Variants in PLPP3 observed in about 807,000 individuals in gnomAD.
PLPP3 encodes the protein phospholipid phosphatase 3, also known as PAP2 beta.
Under a neutral mutation model 29.6 loss-of-function variants are expected in PLPP3, and 6 were observed. That is an observed-to-expected ratio of 0.20 (90% CI 0.11 to 0.40). The LOEUF (loss-of-function observed/expected upper bound fraction) is 0.40. Among genes scored for constraint, PLPP3 ranks in the 10% least tolerant of loss-of-function variants. The pLI is 1.00. For synonymous variants in PLPP3, 152 were observed against 159.7 expected, an observed-to-expected ratio of 0.95 and a Z score of 0.36; for missense variants, 308 against 407.7, an observed-to-expected ratio of 0.76 and a Z score of 2.11.
intron 5 of PLPP3, among the ~76,000 whole-genome samples, chr1:56,499,089 T>TC (rs1645649061): frequency 1.2e-4 from 3 of 24,364 alleles, no homozygotes; most frequent in Non-Finnish European, 1.2e-4. Flanking sequence ...CCCCCCACCT[T>TC]CCCCCCTTCA....
chr1:56,545,986 C>T (rs544842514), intron 1 of PLPP3, among the ~76,000 whole-genome samples: 3 of 152,176 alleles, frequency 2.0e-5, no homozygotes, highest in Non-Finnish European at 4.4e-5. Flanking sequence ...CTACATGGCC[C>T]GCGATCTAGC....
intron 1 of PLPP3, among the ~76,000 whole-genome samples, chr1:56,557,073 AGAAAAAATG>A (rs1646088565): frequency 7.4e-6 from 1 of 135,314 alleles, no homozygotes; most frequent in African/African-American, 2.7e-5. Flanking sequence ...AAAGAAAGAA[AGAAAAAATG>A]AGAGAGAGAG....
At chr1:56,565,735 T>A (rs749540478) in intron 1 of PLPP3, among the ~76,000 whole-genome samples, 2 of 152,142 alleles carry the variant, frequency 1.3e-5, no homozygotes, top group Non-Finnish European at 2.9e-5. Context: ...GCCCCTCCTT[T>A]CTTTAGAAAG....
intron 4 of PLPP3, among the ~76,000 whole-genome samples, chr1:56,521,883 A>G (rs911164517): frequency 1.3e-5 from 2 of 152,148 alleles, no homozygotes; most frequent in Non-Finnish European, 2.9e-5. Context: ...AGATCTCTAG[A>G]TGGTAAGGAG....
At chr1:56,566,206 T>C (rs1426340887) in intron 1 of PLPP3, among the ~76,000 whole-genome samples, 1 of 152,214 alleles carries the variant, frequency 6.6e-6, no homozygotes, top group African/African-American at 2.4e-5. Context: ...CCAACTCATT[T>C]TGGACGACGC....
At position 56,555,433 on chromosome 1, in the gene PLPP3, T is replaced by TAAAAAAAA. The variant is rs66593221; in HGVS notation, c.140-18329_140-18322dup. 4.1e-3 allele frequency among the ~76,000 whole-genome samples: 137 copies of TAAAAAAAA among 33,168 alleles called. 2 individuals carry two copies. Among genetic ancestry groups the TAAAAAAAA allele is most frequent in the African/African-American group, 6.7e-3 (41 of 6,114 alleles). The allele number at this position is 33,168 out of a possible 152,430, so 21.8% of individuals were successfully genotyped here. A position where few individuals can be genotyped will look rare whatever the true frequency, so the allele number is the denominator to read the frequency against. ...ATGCAGGAGAAGGAAGGCCAAACAC[T>TAAAAAAAA]AAAAAAAAAAAAAAAAAAAAAAAAA... On this transcript the variant is annotated intron_variant, in intron 1 of 5. Transcript: ENST00000371250.
chr1:56,526,605 G>A (rs1453730776), intron 2 of PLPP3, among the ~76,000 whole-genome samples: 1 of 152,080 alleles, frequency 6.6e-6, no homozygotes, highest in Non-Finnish European at 1.5e-5. Context: ...TTTTTATGCA[G>A]GAGGAAGAGC....
chr1:56,510,094 A>G (rs913943087), intron 5 of PLPP3, among the ~76,000 whole-genome samples: 9 of 152,152 alleles, frequency 5.9e-5, no homozygotes, highest in African/African-American at 2.2e-4. Flanking sequence ...CCAACCTTTT[A>G]ATTTTTTTAA....
chr1:56,577,386 G>A (rs1430271876), intron 1 of PLPP3, among the ~76,000 whole-genome samples: 1 of 152,160 alleles, frequency 6.6e-6, no homozygotes, highest in African/African-American at 2.4e-5. Context: ...TGTGCCACCT[G>A]AACTACAGTG....
At chr1:56,545,813 C>A (rs760041604) in intron 1 of PLPP3, among the ~76,000 whole-genome samples, 4 of 152,142 alleles carry the variant, frequency 2.6e-5, no homozygotes, top group Non-Finnish European at 5.9e-5. Flanking sequence ...CGTGGACTGG[C>A]AGGACACCAG....
intron 1 of PLPP3, among the ~76,000 whole-genome samples, chr1:56,569,774 C>G (rs1294693408): frequency 1.3e-5 from 2 of 152,186 alleles, no homozygotes; most frequent in African/African-American, 4.8e-5. Flanking sequence ...TTCCCCCGCA[C>G]AGTGCAAACA....
At chr1:56,576,083 G>A (rs1646233702) in intron 1 of PLPP3, among the ~76,000 whole-genome samples, 1 of 152,166 alleles carries the variant, frequency 6.6e-6, no homozygotes. Context: ...TTTCAAACAA[G>A]AGTAGACTTC....
At chr1:56,550,051 G>A (rs1405568636) in intron 1 of PLPP3, among the ~76,000 whole-genome samples, 1 of 152,132 alleles carries the variant, frequency 6.6e-6, no homozygotes, top group Admixed American at 6.5e-5. Context: ...GGGACGCTGG[G>A]TCCGGCTGAC....
chr1:56,540,873 A>G (rs985981961), intron 1 of PLPP3, among the ~76,000 whole-genome samples: 18 of 152,274 alleles, frequency 1.2e-4, no homozygotes, highest in East Asian at 5.8e-4. Flanking sequence ...CAGGACACAG[A>G]GAAGAGGCTG....
intron 1 of PLPP3, among the ~76,000 whole-genome samples, chr1:56,549,106 ATGT>A (rs1646023055): frequency 6.6e-6 from 1 of 152,362 alleles, no homozygotes; most frequent in Admixed American, 6.5e-5. Context: ...AAAGATGTTA[ATGT>A]TGTTAAATCC....
chr1:56,551,279 G>GTTT (rs140430491), intron 1 of PLPP3, among the ~76,000 whole-genome samples: 36,239 of 134,176 alleles, frequency 0.27, 5,943 homozygotes, highest in South Asian at 0.36. Flanking sequence ...TCTGGGTTTG[G>GTTT]GGTTTGGTTT....
At chr1:56,569,117 C>T (rs56332336) in intron 1 of PLPP3, among the ~76,000 whole-genome samples, 12,460 of 152,034 alleles carry the variant, frequency 0.082, 942 homozygotes, top group East Asian at 0.24. Flanking sequence ...ATGTTCATTC[C>T]AAAGGTCTTT....
intron 5 of PLPP3, among the ~76,000 whole-genome samples, chr1:56,503,480 G>A (rs1645681198): frequency 6.6e-6 from 1 of 152,152 alleles, no homozygotes. Context: ...CTTCAGGTGG[G>A]GAGTTCGAGA....
At chr1:56,559,494 C>A (rs970421379) in intron 1 of PLPP3, among the ~76,000 whole-genome samples, 3 of 151,906 alleles carry the variant, frequency 2.0e-5, no homozygotes, top group Non-Finnish European at 4.4e-5. Context: ...TCAAGTGATC[C>A]TCCCACCTCG....
Sources: allele counts gnomAD v4.1 joint callset (sites outside exome capture counted in the v4.1 genomes callset), GRCh38; gene constraint gnomAD v4.1.1; transcripts MANE v1.5; gene names NCBI Gene and HGNC (gene_info 2026-07-23, HGNC 2026-07-21).